Variants in TAB2 observed in about 807,000 individuals in gnomAD.
TAB2 encodes the protein TGF-beta-activated kinase 1 and MAP3K7-binding protein 2.
Under a neutral mutation model 65.0 loss-of-function variants are expected in TAB2, and 3 were observed. The ratio of observed to expected loss-of-function variants is 0.05; its 90% CI spans 0.02 to 0.12. The LOEUF (loss-of-function observed/expected upper bound fraction) is 0.12. Ranked by LOEUF, TAB2 falls within the 10% of genes least tolerant of loss-of-function variation. TAB2 has a pLI of 1.00. For synonymous variants in TAB2, 298 were observed against 285.1 expected (o/e 1.05, Z -0.46); for missense variants, 623 against 840.3 (o/e 0.74, Z 3.20).
chr6:149,308,605 C>G (rs1020845862), intron 1 of TAB2, among the ~76,000 whole-genome samples: 2 of 151,926 alleles, frequency 1.3e-5, no homozygotes, highest in African/African-American at 4.8e-5. Context: ...TCAGGCTCAC[C>G]GTAACCTCCG....
chr6:149,328,415 C>T (rs1779682047), intron 1 of TAB2, among the ~76,000 whole-genome samples: 1 of 152,180 alleles, frequency 6.6e-6, no homozygotes, highest in Non-Finnish European at 1.5e-5. Flanking sequence ...GCCTCAGCCT[C>T]CCAAGTAGCT....
intron 1 of TAB2, among the ~76,000 whole-genome samples, chr6:149,293,429 C>A (rs1778813174): frequency 6.6e-6 from 1 of 152,144 alleles, no homozygotes; most frequent in Non-Finnish European, 1.5e-5. Flanking sequence ...TAATTCACTT[C>A]TTATGTGTGT....
intron 1 of TAB2, among the ~76,000 whole-genome samples, chr6:149,342,085 A>G (rs983740294): frequency 1.4e-4 from 22 of 152,102 alleles, no homozygotes; most frequent in African/African-American, 5.1e-4. Context: ...TGGTAATGGA[A>G]AAAAAGATTT....
intron 1 of TAB2, among the ~76,000 whole-genome samples, chr6:149,262,619 T>A (rs564208806): frequency 2.0e-4 from 30 of 152,282 alleles, no homozygotes; most frequent in Admixed American, 1.6e-3. Context: ...GAGGATTTTG[T>A]TCCTTGGCTG....
At chr6:149,357,430 A>AAAAAAAAAAAAC in intron 1 of TAB2, among the ~76,000 whole-genome samples, 1 of 111,186 alleles carries the variant, frequency 9.0e-6, no homozygotes, top group East Asian at 3.1e-4. Flanking sequence ...AGAAAAAAAA[A>AAAAAAAAAAAAC]ACACACACAC....
At chr6:149,299,494 C>T (rs1386062448) in intron 1 of TAB2, among the ~76,000 whole-genome samples, 1 of 152,154 alleles carries the variant, frequency 6.6e-6, no homozygotes, top group African/African-American at 2.4e-5. Flanking sequence ...ATCACTTGAA[C>T]CCAGGAGGGG....
chr6:149,235,803 C>T (rs538107420), intron 1 of TAB2, among the ~76,000 whole-genome samples: 1 of 152,294 alleles, frequency 6.6e-6, no homozygotes, highest in South Asian at 2.1e-4. Context: ...ACACATCAGT[C>T]CCTTGACTGT....
intron 1 of TAB2, among the ~76,000 whole-genome samples, chr6:149,365,797 C>T (rs1781020728): frequency 6.6e-6 from 1 of 151,922 alleles, no homozygotes; most frequent in African/African-American, 2.4e-5. Context: ...TCTCTCCTCC[C>T]CCTCGCCCAC....
chr6:149,304,115 C>T (rs919720782), intron 1 of TAB2: 4 of 152,228 alleles, frequency 2.6e-5, no homozygotes, highest in Non-Finnish European at 5.9e-5. Flanking sequence ...TTCATTCTCT[C>T]CCCTATATCT....
chr6:149,296,002 C>T (rs1778871076), intron 1 of TAB2, among the ~76,000 whole-genome samples: 1 of 152,170 alleles, frequency 6.6e-6, no homozygotes, highest in African/African-American at 2.4e-5. Context: ...GAACTCCTGA[C>T]CTCGTGATCT....
At chr6:149,375,025 T>C (rs1781355064) in intron 2 of TAB2, among the ~76,000 whole-genome samples, 1 of 152,242 alleles carries the variant, frequency 6.6e-6, no homozygotes, top group Non-Finnish European at 1.5e-5. Context: ...TTTAATTTAG[T>C]GCTATTTGAA....
intron 1 of TAB2, among the ~76,000 whole-genome samples, chr6:149,369,257 A>G (rs1439771517): frequency 6.6e-6 from 1 of 152,200 alleles, no homozygotes; most frequent in Non-Finnish European, 1.5e-5. Context: ...TCGACCACAC[A>G]TTAGAATCAC....
intron 5 of TAB2, 53 bp from the exon 6 acceptor site, chr6:149,399,051 A>G: frequency 6.9e-7 from 1 of 1,446,456 alleles, no homozygotes; most frequent in Non-Finnish European, 9.7e-7. Flanking sequence ...TTTAAAAAGT[A>G]AAGTTGTTTT....
chr6:149,398,209 A>T, intron 5 of TAB2, 147 bp downstream of exon 5: 1 of 703,440 alleles, frequency 1.4e-6, no homozygotes, highest in Non-Finnish European at 2.5e-6. Context: ...GAATATATTT[A>T]AAAAGTCACC....
intron 1 of TAB2, among the ~76,000 whole-genome samples, chr6:149,275,234 G>GAAAGAAAGAAAGAAAGAA (rs1554255826): frequency 3.1e-5 from 2 of 65,390 alleles, no homozygotes; most frequent in African/African-American, 1.8e-4. Context: ...GGGAGAGAGA[G>GAAAGAAAGAAAGAAAGAA]AGAAAGAAAG....
At chr6:149,373,185 T>G (rs1169817760) in intron 2 of TAB2, among the ~76,000 whole-genome samples, 1 of 152,216 alleles carries the variant, frequency 6.6e-6, no homozygotes, top group Non-Finnish European at 1.5e-5. Context: ...ATTTTTATAT[T>G]TGGTAATTAA....
chr6:149,312,760 A>G (rs1028792208), upstream of TAB2, among the ~76,000 whole-genome samples: 8 of 152,222 alleles, frequency 5.3e-5, no homozygotes, highest in Non-Finnish European at 4.4e-5. Context: ...AAAATTCTAT[A>G]TATTGATCAT....
intron 1 of TAB2, among the ~76,000 whole-genome samples, chr6:149,226,530 T>C (rs1427921025): frequency 6.6e-6 from 1 of 152,214 alleles, no homozygotes; most frequent in East Asian, 1.9e-4. Flanking sequence ...CTTAGAAATC[T>C]ACAATAATAT....
chr6:149,329,728 T>C lies in TAB2; in HGVS notation c.-90+11713T>C, dbSNP rs375911447. Among the ~76,000 whole-genome samples, 75 of 152,068 alleles carry C rather than the reference T, an allele frequency of 4.9e-4. No homozygotes were observed. The South Asian group carries it at 0.01, about 21-fold the overall frequency. ...GGTATCCAACTGTGTATGCTGTTCA[T>C]GTAGGGTGTTTAGACTGTGATAAGG... On this transcript the variant is annotated intron_variant, in intron 1 of 6. Coordinates refer to ENST00000637181, the MANE Select transcript of TAB2 (RefSeq NM_001292034.3).
Sources: allele counts gnomAD v4.1 joint callset (sites outside exome capture counted in the v4.1 genomes callset), GRCh38; gene constraint gnomAD v4.1.1; transcripts MANE v1.5; gene names NCBI Gene and HGNC (gene_info 2026-07-23, HGNC 2026-07-21).